PCDHGB1: variants seen among roughly 807,000 people sequenced by gnomAD.
The protein encoded by PCDHGB1 is protocadherin gamma-B1.
In PCDHGB1, 34 loss-of-function variants were observed where a neutral mutation model predicts 56.6. The observed-to-expected ratio is 0.60, with a 90% confidence interval of 0.46 to 0.80. The LOEUF (loss-of-function observed/expected upper bound fraction) is 0.80, where lower values mean the gene tolerates loss of function less well. PCDHGB1 is among the 30% of genes least tolerant of loss of function. PCDHGB1 has a pLI of 0.00. For synonymous variants in PCDHGB1, 561 were observed against 505.9 expected, an observed-to-expected ratio of 1.11 and a Z score of -1.46; for missense variants, 1,278 against 1,204.6, an observed-to-expected ratio of 1.06 and a Z score of -0.90.
intron 1 of PCDHGB1, chr5:141,382,723 T>TA: frequency 1.9e-6 from 1 of 523,900 alleles, no homozygotes; most frequent in Non-Finnish European, 3.2e-6. Flanking sequence ...CACCGAGTTT[T>TA]ACAGCACAGA....
Position 141,351,868 on chromosome 5 carries a change from C to T in PCDHGB1, c.1608C>T (p.Pro536=), listed in dbSNP as rs1336199372. The change falls in exon 1 of 4, where the codon CCC becomes CCT. Residue 536 remains proline, a synonymous_variant. Coordinates refer to ENST00000523390, the MANE Select transcript of PCDHGB1 (RefSeq NM_018922.3). ...TGCAGGCCAGGGACCAGGGCTCCCC[C>T]GCGCTCAGCGCCAACGTGAGCCTGC... ...LTLQARDQGS[P]ALSANVSLRV... The T allele has an allele frequency of 1.2e-6, 2 of 1,613,164 alleles. No homozygotes were observed. The highest frequency in any genetic ancestry group is 1.1e-5 in the South Asian group (1 of 91,056).
At chr5:141,447,696 G>A (rs1273958794) in intron 1 of PCDHGB1, among the ~76,000 whole-genome samples, 1 of 152,096 alleles carries the variant, frequency 6.6e-6, no homozygotes, top group Non-Finnish European at 1.5e-5. Context: ...TAGAGGGATG[G>A]GTTATAAGGA....
intron 1 of PCDHGB1, chr5:141,371,620 C>T (rs748176272): frequency 1.9e-6 from 3 of 1,613,992 alleles, no homozygotes; most frequent in East Asian, 2.2e-5. Context: ...ACAGATGGAG[C>T]CCTGGACCGG....
chr5:141,356,344 G>T, intron 1 of PCDHGB1: 1 of 1,555,242 alleles, frequency 6.4e-7, no homozygotes, highest in South Asian at 1.2e-5. Context: ...AAATGGCCTA[G>T]TCACATGTTC....
Position 141,490,140 on chromosome 5 carries a change from G to T in PCDHGB1, c.2410-4667G>T. On this transcript the variant is annotated intron_variant, in intron 1 of 3. Transcript: ENST00000523390. This position sits in a 1 kb window ranked among gnomAD's most constrained non-coding sequence, Gnocchi z 5.4. Reference sequence around the variant, plus strand: ...TCTTTGGCCTAGACCCTAGCAGTGGGGCAATCCATGTGTTGGGTCCCATAG... The same window carrying T: ...TCTTTGGCCTAGACCCTAGCAGTGGTGCAATCCATGTGTTGGGTCCCATAG... 1 of 1,614,206 alleles carries T rather than the reference G, an allele frequency of 6.2e-7. No homozygotes were observed. The highest frequency in any genetic ancestry group is 8.5e-7 in the Non-Finnish European group (1 of 1,180,026).
chr5:141,351,870 C>T lies in PCDHGB1; in HGVS notation c.1610C>T (p.Ala537Val), dbSNP rs545715349. The T allele has an allele frequency of 1.3e-5, 21 of 1,613,166 alleles. No individual in the cohort carries two copies. The East Asian group carries it at 4.5e-4, about 34-fold the overall frequency. ...TLQARDQGSP[A>V]LSANVSLRVL... ...CAGGCCAGGGACCAGGGCTCCCCCGCGCTCAGCGCCAACGTGAGCCTGCGC... is the reference window on the plus strand; with the variant it reads ...CAGGCCAGGGACCAGGGCTCCCCCGTGCTCAGCGCCAACGTGAGCCTGCGC... Residue 537 changes from alanine (A) to valine (V), a missense_variant, in exon 1 of 4, where the codon GCG (alanine) becomes GTG (valine). Ala to Val is a moderately conservative substitution (Grantham distance 64). Coordinates refer to ENST00000523390, the MANE Select transcript of PCDHGB1 (RefSeq NM_018922.3).
intron 1 of PCDHGB1, chr5:141,422,152 G>A (rs979405624): frequency 1.3e-5 from 20 of 1,575,764 alleles, no homozygotes; most frequent in Non-Finnish European, 1.5e-5. Flanking sequence ...GGGGTCTCTG[G>A]ATTTTGAAAA....
chr5:141,376,977 G>T (rs529935042), intron 1 of PCDHGB1: 1 of 157,454 alleles, frequency 6.4e-6, no homozygotes, highest in Admixed American at 6.2e-5. Flanking sequence ...GTGAGCCACC[G>T]CGCCCGGCCG....
In PCDHGB1 at chr5:141,365,854, C is replaced by G. The variant is rs570866859; in HGVS notation, c.2409+13185C>G. On this transcript the variant is annotated intron_variant, in intron 1 of 3. Transcript: ENST00000523390. ...CCTTGTCCTCCTATGTATCCATTAA[C>G]TCTGACACCGGTGTCCTGTATGCTC... 17 of 1,614,060 alleles carry G rather than the reference C, an allele frequency of 1.1e-5. 1 individual carries two copies. In the South Asian group the frequency reaches 1.8e-4, roughly 17 times the overall value.
chr5:141,360,594 A>T (rs1375239245), intron 1 of PCDHGB1: 2 of 1,614,032 alleles, frequency 1.2e-6, no homozygotes, highest in Admixed American at 3.3e-5. Flanking sequence ...CAACATTTCC[A>T]CTTGACCCAG....
At chr5:141,393,337 A>G (rs556749112) in intron 1 of PCDHGB1, 28 of 1,613,772 alleles carry the variant, frequency 1.7e-5, no homozygotes, top group African/African-American at 5.3e-5. Flanking sequence ...CTCAGCCCCA[A>G]TCACCACTTC....
chr5:141,428,180 C>A, intron 1 of PCDHGB1: 1 of 1,486,268 alleles, frequency 6.7e-7, no homozygotes, highest in Non-Finnish European at 9.2e-7. Flanking sequence ...TGACGGAGGA[C>A]AGCCGCCGCT....
intron 1 of PCDHGB1, chr5:141,391,595 T>C (rs1353226414): frequency 6.6e-6 from 1 of 152,188 alleles, no homozygotes; most frequent in Non-Finnish European, 1.5e-5. Flanking sequence ...AAATATAAAG[T>C]TTTCAGATTT....
intron 1 of PCDHGB1, among the ~76,000 whole-genome samples, chr5:141,455,408 G>A (rs1024760282): frequency 6.6e-6 from 1 of 152,150 alleles, no homozygotes; most frequent in Non-Finnish European, 1.5e-5. Context: ...TACAGAGACA[G>A]AGGGAGCGGG....
At chr5:141,370,175 T>C in intron 1 of PCDHGB1, 1 of 463,044 alleles carries the variant, frequency 2.2e-6, no homozygotes, top group East Asian at 3.2e-5. Context: ...AGGCGCCGGG[T>C]GCCGCTCTTG....
rs145718404 is a variant in PCDHGB1 at position 141,404,928 on chromosome 5, C to T, written c.2409+52259C>T. On this transcript the variant is annotated intron_variant, in intron 1 of 3. Transcript: ENST00000523390. ...CAGCCCCCTCTCTCGGCCACTGTCA[C>T]GCTCACAGTAGCCATAGCTGACAGC... The T allele has an allele frequency of 1.6e-4, 263 of 1,613,866 alleles. 1 individual carries two copies. In the African/African-American group the frequency reaches 2.2e-3, roughly 13 times the overall value.
chr5:141,373,414 T>C (rs1351552261), intron 1 of PCDHGB1, among the ~76,000 whole-genome samples: 1 of 152,222 alleles, frequency 6.6e-6, no homozygotes, highest in Non-Finnish European at 1.5e-5. Context: ...TCCCAGCTAC[T>C]CGGGAGGCTG....
intron 1 of PCDHGB1, chr5:141,375,579 C>A: frequency 6.2e-7 from 1 of 1,614,114 alleles, no homozygotes; most frequent in Non-Finnish European, 8.5e-7. Flanking sequence ...CTCCAGGGGG[C>A]GCCCCTGTCC....
intron 1 of PCDHGB1, chr5:141,362,285 T>C (rs780234982): frequency 6.2e-7 from 1 of 1,614,016 alleles, no homozygotes; most frequent in Non-Finnish European, 8.5e-7. Flanking sequence ...CGCCTGCGAC[T>C]CTCTTCCAGG....
Sources: gnomAD v4.1 joint callset for allele counts (sites outside exome capture counted in the v4.1 genomes callset) on GRCh38, gnomAD v4.1.1 for gene constraint, Gnocchi (gnomAD v3.1) non-coding constraint, MANE v1.5 for transcripts, NCBI Gene and HGNC (gene_info 2026-07-23, HGNC 2026-07-21) for gene names.